Variants in ABCC4 observed in about 807,000 individuals in gnomAD.
ABCC4 encodes the protein ATP-binding cassette sub-family C member 4.
Under a neutral mutation model 168.5 loss-of-function variants are expected in ABCC4, and 102 were observed. That is an observed-to-expected ratio of 0.61 (90% confidence interval 0.52 to 0.71). The LOEUF is 0.71. Among genes scored for constraint, ABCC4 ranks in the 30% least tolerant of loss-of-function variants. The pLI, the probability that ABCC4 is intolerant of heterozygous loss-of-function variation, is 0.00. For missense variants in ABCC4, 1,402 were observed against 1,605.8 expected, an observed-to-expected ratio of 0.87 and a Z score of 2.17; for synonymous variants, 617 against 590.7, an observed-to-expected ratio of 1.04 and a Z score of -0.65.
chr13:95,081,289 G>C lies in ABCC4; in HGVS notation c.2686+1851C>G, dbSNP rs371430064. Among the ~76,000 whole-genome samples the C allele has an allele frequency of 3.3e-4, 49 of 150,440 alleles. 1 individual carries two copies. Among genetic ancestry groups the C allele is most frequent in the African/African-American group, 1.2e-3 (47 of 39,732 alleles). ...CCTTTTCTCCACATCCACATGGATC[G>C]GATGTGGCTGTTGACACAGACAGTC... is the stretch of plus-strand genomic sequence containing the variant. On this transcript the variant is annotated intron_variant, in intron 21 of 30. Transcript: ENST00000645237.
At chr13:95,102,985 G>A (rs999529695) in intron 20 of ABCC4, among the ~76,000 whole-genome samples, 2 of 151,596 alleles carry the variant, frequency 1.3e-5, no homozygotes, top group African/African-American at 4.8e-5. Flanking sequence ...CCTGAAGCTG[G>A]GCCGGGCGCA....
At chr13:95,234,245 A>G (rs2138756723) in intron 4 of ABCC4, among the ~76,000 whole-genome samples, 1 of 152,378 alleles carries the variant, frequency 6.6e-6, no homozygotes, top group Middle Eastern at 3.4e-3. Context: ...GAGGCAAAGA[A>G]ACACTGAAAA....
chr13:95,048,560 C>A (rs140952779), intron 27 of ABCC4, among the ~76,000 whole-genome samples: 3 of 152,172 alleles, frequency 2.0e-5, no homozygotes, highest in African/African-American at 7.2e-5. Context: ...GTGAACGAAG[C>A]GAGCGGAAGC....
chr13:95,238,973 C>T (rs1031316787), intron 3 of ABCC4, among the ~76,000 whole-genome samples: 2 of 152,166 alleles, frequency 1.3e-5, no homozygotes, highest in Non-Finnish European at 2.9e-5. Context: ...AAACTAAGAT[C>T]TTCCATTCTG....
chr13:95,136,747 G>T (rs1054008538), intron 19 of ABCC4, among the ~76,000 whole-genome samples: 1 of 152,192 alleles, frequency 6.6e-6, no homozygotes, highest in Non-Finnish European at 1.5e-5. Flanking sequence ...TGGTGGACAC[G>T]CTGGGGAAGG....
chr13:95,174,764 G>C (rs1356721631), intron 13 of ABCC4, among the ~76,000 whole-genome samples: 2 of 152,164 alleles, frequency 1.3e-5, no homozygotes, highest in Non-Finnish European at 2.9e-5. Context: ...GCAAGCCACA[G>C]AGGCCCTTCT....
At chr13:95,277,426 CAAA>C (rs1358287453) in intron 1 of ABCC4, among the ~76,000 whole-genome samples, 1 of 151,956 alleles carries the variant, frequency 6.6e-6, no homozygotes, top group African/African-American at 2.4e-5. Flanking sequence ...ACCAAAAATA[CAAA>C]AATTAGCCGG....
At chr13:95,285,515 A>G (rs2041236739) in intron 1 of ABCC4, among the ~76,000 whole-genome samples, 1 of 151,972 alleles carries the variant, frequency 6.6e-6, no homozygotes, top group East Asian at 1.9e-4. Flanking sequence ...ACACTACTAC[A>G]CTCCAGCCTG....
intron 8 of ABCC4, among the ~76,000 whole-genome samples, chr13:95,202,049 C>T (rs1335285287): frequency 6.6e-6 from 1 of 152,208 alleles, no homozygotes; most frequent in Non-Finnish European, 1.5e-5. Context: ...TGTGGTCAAA[C>T]ATGTCTGGGT....
intron 19 of ABCC4, among the ~76,000 whole-genome samples, chr13:95,141,975 A>C (rs1401653089): frequency 1.3e-5 from 2 of 152,198 alleles, no homozygotes; most frequent in African/African-American, 4.8e-5. Context: ...AGAAATAGTG[A>C]TATCTCTGCT....
intron 8 of ABCC4, among the ~76,000 whole-genome samples, chr13:95,197,051 C>T (rs867522427): frequency 1.3e-5 from 2 of 152,272 alleles, no homozygotes; most frequent in Middle Eastern, 3.4e-3. Context: ...ACTAATCCTG[C>T]TGGGAACCAG....
intron 3 of ABCC4, among the ~76,000 whole-genome samples, chr13:95,241,475 C>T (rs2039942459): frequency 6.6e-6 from 1 of 152,090 alleles, no homozygotes; most frequent in Non-Finnish European, 1.5e-5. Context: ...GAGAAGCTGC[C>T]TGTGTCCTGG....
In ABCC4 at chr13:95,167,544, G is replaced by A. The variant is rs985117614; in HGVS notation, c.1825-1177C>T. Among the ~76,000 whole-genome samples the A allele has an allele frequency of 4.6e-5, 7 of 152,116 alleles. No homozygotes were observed. In the East Asian group the frequency reaches 9.6e-4, roughly 21 times the overall value. On this transcript the variant is annotated intron_variant, in intron 14 of 30. Coordinates refer to ENST00000645237, the MANE Select transcript of ABCC4 (RefSeq NM_005845.5). Reference sequence around the variant, plus strand: ...GTGGGTCCACTGAGGAAAATCCAACGACACCTTGGGCCCTTTGGACCAGTT... The same window carrying A: ...GTGGGTCCACTGAGGAAAATCCAACAACACCTTGGGCCCTTTGGACCAGTT...
intron 4 of ABCC4, among the ~76,000 whole-genome samples, chr13:95,216,838 G>A (rs4148466): frequency 0.11 from 16,584 of 152,116 alleles, 1,271 homozygotes; most frequent in African/African-American, 0.21. Flanking sequence ...TCTTGGGGAG[G>A]AAATCAATCT....
intron 27 of ABCC4, among the ~76,000 whole-genome samples, chr13:95,051,974 T>TTTCA (rs1555305181): frequency 2.0e-5 from 3 of 151,674 alleles, no homozygotes; most frequent in Non-Finnish European, 2.9e-5. Flanking sequence ...CAATTTTTAT[T>TTTCA]TTTATTTATT....
rs569319138 is a variant in ABCC4, at chr13:95,103,341, T to G, written c.2535+12581A>C. 2.3e-4 allele frequency among the ~76,000 whole-genome samples: 35 copies of G among 152,332 alleles called. 1 individual carries two copies. Among genetic ancestry groups the G allele is most frequent in the African/African-American group, 7.9e-4 (33 of 41,578 alleles). Reference sequence around the variant, plus strand: ...ACCAAGAGCACTTGCAAAGGGAATTTTCATGGCTCTGATATCCTGAGGTAG... The same window carrying G: ...ACCAAGAGCACTTGCAAAGGGAATTGTCATGGCTCTGATATCCTGAGGTAG... On this transcript the variant is annotated intron_variant, in intron 20 of 30. Coordinates refer to ENST00000645237, the MANE Select transcript of ABCC4 (RefSeq NM_005845.5).
intron 14 of ABCC4, among the ~76,000 whole-genome samples, chr13:95,166,980 A>G (rs896952534): frequency 1.3e-5 from 2 of 152,096 alleles, no homozygotes; most frequent in Admixed American, 1.3e-4. Context: ...TGAGGTCAGG[A>G]GTTCGAGACT....
At chr13:95,284,615 CT>C (rs1395635465) in intron 1 of ABCC4, among the ~76,000 whole-genome samples, 5 of 152,222 alleles carry the variant, frequency 3.3e-5, no homozygotes, top group African/African-American at 1.2e-4. Flanking sequence ...GCAGACACCC[CT>C]GTCCCCTGTG....
rs1422029494 is a variant in ABCC4, at chr13:95,188,556, T to G, written c.1264-14A>C. The G allele has an allele frequency of 1.9e-6, 3 of 1,593,308 alleles. No homozygotes were observed. Among genetic ancestry groups the G allele is most frequent in the Non-Finnish European group, 2.6e-6 (3 of 1,165,678 alleles). On this transcript the variant is annotated splice_polypyrimidine_tract_variant and intron_variant, in intron 9 of 30. Transcript: ENST00000645237. ...GGTCTCTGATGCCTACAAATTAAAGTTTATAAAATGTGCCCATTTCAATAA... is the reference window on the plus strand; with the variant it reads ...GGTCTCTGATGCCTACAAATTAAAGGTTATAAAATGTGCCCATTTCAATAA...
Sources: allele counts gnomAD v4.1 joint callset (sites outside exome capture counted in the v4.1 genomes callset), GRCh38; gene constraint gnomAD v4.1.1; transcripts MANE v1.5; gene names NCBI Gene and HGNC (gene_info 2026-07-23, HGNC 2026-07-21).